BNC2: variants seen among roughly 807,000 people sequenced by gnomAD.
BNC2 encodes the protein zinc finger protein basonuclin-2.
In BNC2, 20 loss-of-function variants were observed where a neutral mutation model predicts 76.3. The ratio of observed to expected loss-of-function variants is 0.26; its 90% CI spans 0.18 to 0.38. BNC2 has a LOEUF of 0.38. BNC2 is among the 10% of genes least tolerant of loss of function. BNC2 has a pLI of 1.00. For missense variants in BNC2, 1,382 were observed against 1,399.8 expected, an observed-to-expected ratio of 0.99 and a Z score of 0.20; for synonymous variants, 582 against 514.8, an observed-to-expected ratio of 1.13 and a Z score of -1.77.
At chr9:16,646,531 C>G (rs1821631503) in intron 3 of BNC2, among the ~76,000 whole-genome samples, 1 of 152,068 alleles carries the variant, frequency 6.6e-6, no homozygotes, top group Non-Finnish European at 1.5e-5. Flanking sequence ...ATATAAAGTT[C>G]TTGAACAGGT....
chr9:16,829,121 G>C (rs1818522482), intron 1 of BNC2, among the ~76,000 whole-genome samples: 2 of 152,174 alleles, frequency 1.3e-5, no homozygotes, highest in African/African-American at 4.8e-5. Context: ...TCCCTCCCCT[G>C]AGTGGCCTCT....
At chr9:16,776,747 G>C (rs1357003536) in intron 1 of BNC2, among the ~76,000 whole-genome samples, 2 of 151,888 alleles carry the variant, frequency 1.3e-5, no homozygotes, top group Non-Finnish European at 2.9e-5. Context: ...TGATATGATG[G>C]GCAACACGAA....
intron 3 of BNC2, among the ~76,000 whole-genome samples, chr9:16,654,783 G>C (rs1821882185): frequency 6.6e-6 from 1 of 152,056 alleles, no homozygotes; most frequent in South Asian, 2.1e-4. Context: ...AGTGTATTCT[G>C]TTCTAAATAT....
At chr9:16,710,230 A>G (rs1426580148) in intron 3 of BNC2, among the ~76,000 whole-genome samples, 1 of 152,232 alleles carries the variant, frequency 6.6e-6, no homozygotes, top group Non-Finnish European at 1.5e-5. Context: ...ACCAGTTTCT[A>G]TTGGTTAAAC....
chr9:16,582,380 CA>C (rs2133046025), intron 4 of BNC2, among the ~76,000 whole-genome samples: 1 of 152,252 alleles, frequency 6.6e-6, no homozygotes, highest in African/African-American at 2.4e-5. Context: ...GGGGTCTCCC[CA>C]CCCCAGCACA....
At chr9:16,494,372 C>T (rs957069693) in intron 5 of BNC2, among the ~76,000 whole-genome samples, 2 of 151,896 alleles carry the variant, frequency 1.3e-5, no homozygotes, top group African/African-American at 2.4e-5. Context: ...GGGGTGGTCT[C>T]GATCTCTTGA....
At chr9:16,566,779 C>A (rs1443177420) in intron 4 of BNC2, among the ~76,000 whole-genome samples, 1 of 152,096 alleles carries the variant, frequency 6.6e-6, no homozygotes, top group African/African-American at 2.4e-5. Context: ...AGAATAGTCA[C>A]ACAGTAAGAC....
intron 3 of BNC2, among the ~76,000 whole-genome samples, chr9:16,708,475 T>C (rs566601863): frequency 4.6e-5 from 7 of 152,020 alleles, no homozygotes; most frequent in Non-Finnish European, 7.4e-5. Context: ...ACATACAACA[T>C]GCACATGCAA....
At chr9:16,756,221 T>G (rs1294492986) in intron 1 of BNC2, among the ~76,000 whole-genome samples, 1 of 152,232 alleles carries the variant, frequency 6.6e-6, no homozygotes, top group African/African-American at 2.4e-5. Flanking sequence ...AATCTTTTTA[T>G]GCCTACTCAA....
At chr9:16,484,479 CAG>C (rs1233735969) in intron 5 of BNC2, among the ~76,000 whole-genome samples, 2 of 152,192 alleles carry the variant, frequency 1.3e-5, no homozygotes, top group African/African-American at 4.8e-5. Context: ...GCCAGCATAA[CAG>C]AGTTGTAAAA....
intron 3 of BNC2, among the ~76,000 whole-genome samples, chr9:16,606,949 G>A (rs28651010): frequency 0.11 from 16,131 of 151,696 alleles, 1,391 homozygotes; most frequent in African/African-American, 0.24. Flanking sequence ...GCTTCTAAAC[G>A]GACTAACACA....
intron 1 of BNC2, among the ~76,000 whole-genome samples, chr9:16,840,522 T>C (rs1818800627): frequency 6.6e-6 from 1 of 152,208 alleles, no homozygotes; most frequent in African/African-American, 2.4e-5. Flanking sequence ...GTTTTTCCTT[T>C]AATGTCATGA....
intron 3 of BNC2, among the ~76,000 whole-genome samples, chr9:16,711,042 C>T (rs1434509809): frequency 6.6e-6 from 1 of 152,124 alleles, no homozygotes; most frequent in Non-Finnish European, 1.5e-5. Context: ...CTCGCTCCCT[C>T]TAATGAGAGC....
intron 1 of BNC2, among the ~76,000 whole-genome samples, chr9:16,760,080 T>C (rs1356567502): frequency 6.6e-6 from 1 of 152,186 alleles, no homozygotes; most frequent in Non-Finnish European, 1.5e-5. Flanking sequence ...AGTGAGAATG[T>C]ATAGGAAATA....
chr9:16,528,432 G>A (rs1432249448), intron 5 of BNC2, among the ~76,000 whole-genome samples: 1 of 152,116 alleles, frequency 6.6e-6, no homozygotes, highest in Non-Finnish European at 1.5e-5. Flanking sequence ...AGGCTTTTCA[G>A]AACACTGAGT....
At chr9:16,810,022 T>A (rs1818005834) in intron 1 of BNC2, among the ~76,000 whole-genome samples, 1 of 152,140 alleles carries the variant, frequency 6.6e-6, no homozygotes, top group Admixed American at 6.6e-5. Context: ...AATGCAAAGG[T>A]ATGATTAAAG....
chr9:16,859,754 G>C (rs565612358), intron 1 of BNC2, among the ~76,000 whole-genome samples: 1 of 152,292 alleles, frequency 6.6e-6, no homozygotes, highest in South Asian at 2.1e-4. Flanking sequence ...TTTCAGCTTT[G>C]CAGAATGAAA....
At chr9:16,691,504 CTTTTTTTT>C (rs71327842) in intron 3 of BNC2, among the ~76,000 whole-genome samples, 2 of 113,226 alleles carry the variant, frequency 1.8e-5, no homozygotes, top group Non-Finnish European at 1.8e-5. Context: ...GGTATGGGTT[CTTTTTTTT>C]TTTTTTTTTT....
chr9:16,445,504 T>A (rs138647474), intron 5 of BNC2, among the ~76,000 whole-genome samples: 3 of 152,246 alleles, frequency 2.0e-5, no homozygotes, highest in East Asian at 1.9e-4. Flanking sequence ...TTTTTTTTTT[T>A]AAATCAACAT....
Sources: allele counts gnomAD v4.1 joint callset (sites outside exome capture counted in the v4.1 genomes callset), GRCh38; gene constraint gnomAD v4.1.1; transcripts MANE v1.5; gene names NCBI Gene and HGNC (gene_info 2026-07-23, HGNC 2026-07-21).